The following PATJ variants were observed in gnomAD, a reference collection of about 807,000 sequenced individuals.
The protein encoded by PATJ is inaD-like protein.
A neutral mutation model predicts 224.9 loss-of-function variants in PATJ; 190 were observed. The observed-to-expected ratio is 0.84, with a 90% confidence interval of 0.75 to 0.95. The LOEUF (loss-of-function observed/expected upper bound fraction) is 0.95. PATJ is among the 40% of genes least tolerant of loss of function. The pLI, the probability that PATJ is intolerant of heterozygous loss-of-function variation, is 0.00. For synonymous variants in PATJ, 769 were observed against 820.3 expected, an observed-to-expected ratio of 0.94 and a Z score of 1.07; for missense variants, 2,121 against 2,270.3, an observed-to-expected ratio of 0.93 and a Z score of 1.34.
intron 26 of PATJ, among the ~76,000 whole-genome samples, 188 bp from the exon 27 acceptor site, chr1:61,927,542 C>T (rs1675389488): frequency 6.6e-6 from 1 of 152,176 alleles, no homozygotes; most frequent in South Asian, 2.1e-4. Flanking sequence ...GTTTATACCA[C>T]AGAGTCACTT....
At chr1:62,122,937 G>T in intron 38 of PATJ, 84 bp from the exon 39 acceptor site, 2 of 836,434 alleles carry the variant, frequency 2.4e-6, no homozygotes, top group South Asian at 2.1e-5. Context: ...CCTAGAAAAT[G>T]AAACCATTTT....
intron 31 of PATJ, among the ~76,000 whole-genome samples, chr1:62,054,863 T>C (rs915249252): frequency 8.5e-5 from 13 of 152,090 alleles, no homozygotes; most frequent in African/African-American, 2.9e-4. Context: ...GAGACCAGCC[T>C]GGCCAACATG....
chr1:61,786,513 G>C (rs1283516727), intron 7 of PATJ, among the ~76,000 whole-genome samples: 1 of 151,936 alleles, frequency 6.6e-6, no homozygotes, highest in Non-Finnish European at 1.5e-5. Context: ...AGGTATCTAA[G>C]ACAACAGCTC....
chr1:62,038,593 A>G (rs1391547718), intron 30 of PATJ: 1 of 164,122 alleles, frequency 6.1e-6, no homozygotes, highest in Non-Finnish European at 1.3e-5. Flanking sequence ...AAAGAAATAC[A>G]TACTTATTGT....
At chr1:61,847,874 A>T (rs1662212146) in intron 17 of PATJ, among the ~76,000 whole-genome samples, 1 of 152,232 alleles carries the variant, frequency 6.6e-6, no homozygotes, top group Admixed American at 6.5e-5. Context: ...TGGCAAAGGA[A>T]AAAGAAGAGG....
chr1:62,037,949 T>C, intron 29 of PATJ, 28 bp from the exon 30 acceptor site: 1 of 1,536,662 alleles, frequency 6.5e-7, no homozygotes, highest in Non-Finnish European at 9.0e-7. Flanking sequence ...TACTGTGTAC[T>C]GATTCTGCCT....
chr1:61,813,006 T>G (rs533488944), intron 14 of PATJ, among the ~76,000 whole-genome samples: 3 of 152,056 alleles, frequency 2.0e-5, no homozygotes, highest in Admixed American at 2.0e-4. Flanking sequence ...GTTTCCTGAT[T>G]AGCTTTTTAG....
chr1:61,810,240 C>T (rs971593023), intron 14 of PATJ, among the ~76,000 whole-genome samples: 4 of 152,030 alleles, frequency 2.6e-5, no homozygotes, highest in East Asian at 1.9e-4. Flanking sequence ...GTGACTGTGT[C>T]GGCCAACTGA....
chr1:61,750,505 G>A (rs976073074), intron 1 of PATJ, among the ~76,000 whole-genome samples: 13 of 141,730 alleles, frequency 9.2e-5, no homozygotes, highest in Non-Finnish European at 1.4e-4. Context: ...GTGTGGTCTC[G>A]GCTCACCACA....
chr1:62,098,066 T>G (rs1661602991), intron 33 of PATJ, among the ~76,000 whole-genome samples: 1 of 152,070 alleles, frequency 6.6e-6, no homozygotes, highest in Admixed American at 6.6e-5. Flanking sequence ...GTCAGAAGTT[T>G]GAGGCCAGGC....
intron 17 of PATJ, among the ~76,000 whole-genome samples, chr1:61,836,856 C>G (rs1185202413): frequency 2.0e-5 from 3 of 152,254 alleles, no homozygotes; most frequent in African/African-American, 7.2e-5. Context: ...AAGGCAAATT[C>G]TTGCCCTGCC....
intron 24 of PATJ, among the ~76,000 whole-genome samples, chr1:61,903,826 G>A (rs1369181381): frequency 3.4e-5 from 5 of 148,174 alleles, no homozygotes; most frequent in Admixed American, 6.8e-5. Flanking sequence ...AGGCTGGAGT[G>A]CAGTGGCGCA....
At chr1:62,134,800 A>G (rs1286594941) in intron 41 of PATJ, among the ~76,000 whole-genome samples, 1 of 152,112 alleles carries the variant, frequency 6.6e-6, no homozygotes, top group African/African-American at 2.4e-5. Context: ...CAGAGCAGAT[A>G]CCTCCTCAGT....
intron 27 of PATJ, among the ~76,000 whole-genome samples, chr1:61,943,440 A>T (rs1678134646): frequency 6.6e-6 from 1 of 152,090 alleles, no homozygotes; most frequent in South Asian, 2.1e-4. Context: ...ATACCAGGAG[A>T]TTATGTCCTG....
chr1:61,946,117 A>C (rs1303253620), intron 27 of PATJ, among the ~76,000 whole-genome samples: 2 of 152,222 alleles, frequency 1.3e-5, no homozygotes, highest in Non-Finnish European at 2.9e-5. Context: ...GAAAGCAGGA[A>C]AGATCTAAAA....
At chr1:62,151,793 C>T (rs569742613) in intron 42 of PATJ, among the ~76,000 whole-genome samples, 2 of 152,256 alleles carry the variant, frequency 1.3e-5, no homozygotes, top group South Asian at 2.1e-4. Flanking sequence ...TGCCAGTACA[C>T]GAATATGAAC....
At chr1:61,999,628 G>GT (rs200011536) in intron 28 of PATJ, among the ~76,000 whole-genome samples, 2,352 of 152,006 alleles carry the variant, frequency 0.015, 65 homozygotes, top group African/African-American at 0.054. Flanking sequence ...AGATCACACC[G>GT]TTGCACTCCA....
At chr1:61,832,750 G>T (rs72929674) in intron 16 of PATJ, among the ~76,000 whole-genome samples, 6,664 of 152,170 alleles carry the variant, frequency 0.044, 442 homozygotes, top group African/African-American at 0.14. Flanking sequence ...GGCTGTAAAA[G>T]ATAATTTTTG....
intron 33 of PATJ, among the ~76,000 whole-genome samples, chr1:62,100,942 G>A (rs80303549): frequency 0.014 from 2,057 of 152,240 alleles, 25 homozygotes; most frequent in Non-Finnish European, 0.022. Flanking sequence ...AGTTAGGGAA[G>A]GTGTTATAGA....
Sources: gnomAD v4.1 joint callset for allele counts (sites outside exome capture counted in the v4.1 genomes callset) on GRCh38, gnomAD v4.1.1 for gene constraint, MANE v1.5 for transcripts, NCBI Gene and HGNC (gene_info 2026-07-23, HGNC 2026-07-21) for gene names.